Variants in G3BP1 observed in about 807,000 individuals in gnomAD.
G3BP1 encodes the protein ras GTPase-activating protein-binding protein 1.
A neutral mutation model predicts 58.6 loss-of-function variants in G3BP1; 35 were observed. That is an observed-to-expected ratio of 0.60 (90% confidence interval 0.46 to 0.79). G3BP1 has a LOEUF of 0.79. Ranked by LOEUF, G3BP1 falls within the 30% of genes least tolerant of loss-of-function variation. The pLI is 0.00. For synonymous variants in G3BP1, 191 were observed against 195.4 expected (o/e 0.98, Z 0.19); for missense variants, 523 against 580.8 (o/e 0.90, Z 1.02).
intron 2 of G3BP1, chr5:151,787,862 T>TGTTTTCAATACTG (rs147540927): frequency 1.9e-4 from 14 of 74,326 alleles, no homozygotes; most frequent in Admixed American, 5.5e-4. Flanking sequence ...AATTTATGAA[T>TGTTTTCAATACTG]GTTTTGACAT....
intron 2 of G3BP1, among the ~76,000 whole-genome samples, chr5:151,789,330 T>C (rs1762607089): frequency 2.0e-5 from 3 of 151,822 alleles, no homozygotes; most frequent in African/African-American, 7.3e-5. Flanking sequence ...GATTGCGCCA[T>C]GGCACTCCAG....
At chr5:151,781,206 T>A (rs1762464646) in intron 1 of G3BP1, among the ~76,000 whole-genome samples, 1 of 152,206 alleles carries the variant, frequency 6.6e-6, no homozygotes, top group Non-Finnish European at 1.5e-5. Flanking sequence ...TTAAAATTTA[T>A]CAAAATGAAC....
intron 1 of G3BP1, among the ~76,000 whole-genome samples, chr5:151,773,861 G>A (rs912952201): frequency 6.6e-6 from 1 of 152,136 alleles, no homozygotes; most frequent in Non-Finnish European, 1.5e-5. Flanking sequence ...AACTGTTTAA[G>A]CTTGAGTCCA....
At chr5:151,787,818 TATTCAA>T in intron 2 of G3BP1, 1 of 299,046 alleles carries the variant, frequency 3.3e-6, no homozygotes, top group Non-Finnish European at 6.8e-6. Context: ...TTTATGAATG[TATTCAA>T]TATGAATATT....
In G3BP1 at chr5:151,808,980, C is replaced by T. The variant is rs1461993993; in HGVS notation, c.*4889C>T. 1 of 152,294 alleles carries T rather than the reference C, an allele frequency of 6.6e-6. No homozygotes were observed. The highest frequency in any genetic ancestry group is 1.5e-5 in the Non-Finnish European group (1 of 68,194). 9.4% of individuals were successfully genotyped at this position (152,294 alleles called of 1,614,324 possible). On this transcript the variant is annotated 3_prime_UTR_variant, in exon 12 of 12. Coordinates refer to ENST00000356245, the MANE Select transcript of G3BP1 (RefSeq NM_005754.3). ...TTGCTCGAGGCCAGGAATTTGAGACCAGCTTGGGCAACATAGCAAGACCCT... is the reference window on the plus strand; with the variant it reads ...TTGCTCGAGGCCAGGAATTTGAGACTAGCTTGGGCAACATAGCAAGACCCT...
At chr5:151,775,354 T>C (rs1227642544) in intron 1 of G3BP1, among the ~76,000 whole-genome samples, 1 of 152,252 alleles carries the variant, frequency 6.6e-6, no homozygotes, top group Non-Finnish European at 1.5e-5. Flanking sequence ...TGTGTAACCT[T>C]TTGCATATTT....
rs1329619939 is a variant in G3BP1 at position 151,800,267 on chromosome 5, A to G, written c.1005A>G (p.Arg335=). The G allele has an allele frequency of 1.9e-6, 3 of 1,611,878 alleles. No individual in the cohort carries two copies. Among genetic ancestry groups the G allele is most frequent in the East Asian group, 2.2e-5 (1 of 44,874 alleles). ...QGDIEPRRMV[R]HPDSHQLFIG... ...ACATTGAACCCCGAAGAATGGTGAG[A>G]CACCCTGACAGTCACCAACTCTTCA... is the stretch of plus-strand genomic sequence containing the variant. Residue 335 remains arginine (R), a synonymous_variant, in exon 10 of 12, where the codon AGA becomes AGG. Coordinates refer to ENST00000356245, the MANE Select transcript of G3BP1 (RefSeq NM_005754.3).
intron 10 of G3BP1, 139 bp from the exon 11 acceptor site, chr5:151,800,621 C>T (rs904172138): frequency 7.8e-6 from 5 of 643,832 alleles, no homozygotes; most frequent in Non-Finnish European, 1.4e-5. Flanking sequence ...AGAGGCACAT[C>T]TCAATTCAGA....
At chr5:151,798,533 A>G (rs941030940) in intron 7 of G3BP1, among the ~76,000 whole-genome samples, 1 of 152,234 alleles carries the variant, frequency 6.6e-6, no homozygotes, top group African/African-American at 2.4e-5. Flanking sequence ...TGTGCGAGAA[A>G]GGTGTTTATG....
At chr5:151,774,143 G>C (rs1381723446) in intron 1 of G3BP1, among the ~76,000 whole-genome samples, 2 of 152,190 alleles carry the variant, frequency 1.3e-5, no homozygotes, top group Admixed American at 6.5e-5. Flanking sequence ...TCCCTACCAA[G>C]TCATACGTCA....
chr5:151,784,489 G>T (rs967789443), intron 1 of G3BP1, among the ~76,000 whole-genome samples: 2 of 152,172 alleles, frequency 1.3e-5, no homozygotes, highest in African/African-American at 4.8e-5. Flanking sequence ...TAAAAAAATT[G>T]TGTCTGTTAT....
In G3BP1 at chr5:151,811,511, T is replaced by C. The variant is rs1173967721; in HGVS notation, c.*7420T>C. 3.9e-5 allele frequency: 6 copies of C among 152,230 alleles called. No individual in the cohort carries two copies. Among genetic ancestry groups the C allele is most frequent in the Non-Finnish European group, 8.8e-5 (6 of 68,040 alleles). The allele number at this position is 152,230 out of a possible 1,614,324, so 9.4% of individuals were successfully genotyped here. A position where few individuals can be genotyped will look rare whatever the true frequency, so the allele number is the denominator to read the frequency against. On this transcript the variant is annotated 3_prime_UTR_variant, in exon 12 of 12. Transcript: ENST00000356245. ...AACCACAGAAAATTTCAGAAAACTT[T>C]AATTTTTTTCCATTGGAATCAGCAT...
intron 1 of G3BP1, among the ~76,000 whole-genome samples, chr5:151,782,618 C>A (rs942113880): frequency 2.0e-5 from 3 of 152,096 alleles, no homozygotes; most frequent in Non-Finnish European, 4.4e-5. Flanking sequence ...TTAAAAACAT[C>A]TTTAGAAAAG....
At chr5:151,787,932 A>T (rs202010691) in intron 2 of G3BP1, 165 of 127,884 alleles carry the variant, frequency 1.3e-3, no homozygotes, top group South Asian at 7.2e-3. Context: ...TGTGTGTGTG[A>T]GAGAGAGAGA....
At chr5:151,796,205 G>A (rs971597494) in intron 6 of G3BP1, among the ~76,000 whole-genome samples, 1 of 152,134 alleles carries the variant, frequency 6.6e-6, no homozygotes, top group African/African-American at 2.4e-5. Context: ...TGAAAATGAA[G>A]ATTCATGGTC....
rs181716281 is a variant in G3BP1, at chr5:151,787,930, T to A, written c.95+1215T>A. 1,057 of 164,646 alleles carry A rather than the reference T, an allele frequency of 6.4e-3. 10 individuals are homozygous for A. The highest frequency in any genetic ancestry group is 0.022 in the African/African-American group (901 of 41,122). 10.2% of individuals were successfully genotyped at this position (164,646 alleles called of 1,614,324 possible). Reference sequence around the variant, plus strand: ...GTGTGTGTGCATGTGTGTGTGTGTGTGAGAGAGAGAGAGAGAGTTAAGTCT... The same window carrying A: ...GTGTGTGTGCATGTGTGTGTGTGTGAGAGAGAGAGAGAGAGAGTTAAGTCT... On this transcript the variant is annotated intron_variant, in intron 2 of 11. Transcript: ENST00000356245.
chr5:151,797,468 T>G (rs763408429), intron 7 of G3BP1, 40 bp downstream of exon 7: 1 of 1,535,638 alleles, frequency 6.5e-7, no homozygotes, highest in East Asian at 2.3e-5. Context: ...TTCCTAGTTA[T>G]TTTTTTTAAA....
intron 4 of G3BP1, among the ~76,000 whole-genome samples, chr5:151,793,034 C>G (rs1762687356): frequency 6.6e-6 from 1 of 152,200 alleles, no homozygotes; most frequent in South Asian, 2.1e-4. Context: ...TCAGGCTGCA[C>G]TACCCTTGAG....
At chr5:151,789,115 C>T (rs1278616472) in intron 2 of G3BP1, among the ~76,000 whole-genome samples, 2 of 151,978 alleles carry the variant, frequency 1.3e-5, no homozygotes, top group Non-Finnish European at 2.9e-5. Context: ...CTTTCTACCC[C>T]ATAGAATAAA....
Sources: gnomAD v4.1 joint callset for allele counts (sites outside exome capture counted in the v4.1 genomes callset) on GRCh38, gnomAD v4.1.1 for gene constraint, MANE v1.5 for transcripts, NCBI Gene and HGNC (gene_info 2026-07-23, HGNC 2026-07-21) for gene names.